Variants in ANKRD28 observed in about 807,000 individuals in gnomAD.
The protein encoded by ANKRD28 is serine/threonine-protein phosphatase 6 regulatory ankyrin repeat subunit A.
A neutral mutation model predicts 126.5 loss-of-function variants in ANKRD28; 44 were observed. That is an observed-to-expected ratio of 0.35 (90% CI 0.27 to 0.45). ANKRD28 has a LOEUF of 0.45. Among genes scored for constraint, ANKRD28 ranks in the 20% least tolerant of loss-of-function variants. ANKRD28 has a pLI of 1.00. For missense variants in ANKRD28, 1,110 were observed against 1,316.6 expected (o/e 0.84, Z 2.43); for synonymous variants, 442 against 468.5 (o/e 0.94, Z 0.73).
chr3:15,739,077 T>G (rs1043325389), intron 4 of ANKRD28, among the ~76,000 whole-genome samples: 1 of 152,190 alleles, frequency 6.6e-6, no homozygotes, highest in Non-Finnish European at 1.5e-5. Context: ...TAAACATCGC[T>G]GTTATCCTGT....
At chr3:15,717,805 T>C (rs560514249) in intron 8 of ANKRD28, among the ~76,000 whole-genome samples, 3 of 152,324 alleles carry the variant, frequency 2.0e-5, no homozygotes, top group South Asian at 4.1e-4. Flanking sequence ...TACTGCTTTA[T>C]AAACCTGATT....
In ANKRD28 at chr3:15,684,156, G is replaced by T. The variant is rs572011531; in HGVS notation, c.2389+1070C>A. The T allele has an allele frequency of 3.3e-5, 5 of 152,158 alleles. No individual in the cohort carries two copies. The East Asian group carries it at 7.7e-4, about 23-fold the overall frequency. 9.4% of individuals were successfully genotyped at this position (152,158 alleles called of 1,614,324 possible). A position where few individuals can be genotyped will look rare whatever the true frequency, so the allele number is the denominator to read the frequency against. On this transcript the variant is annotated intron_variant, in intron 21 of 27. Coordinates refer to ENST00000683139, the MANE Select transcript of ANKRD28 (RefSeq NM_001349278.2). ...CACTGATGCTTGCACTGTATATAAT[G>T]TACTTGAGTTTTCTAAGATGATCAA... is the stretch of plus-strand genomic sequence containing the variant.
chr3:15,773,497 C>T (rs371716682), intron 2 of ANKRD28, among the ~76,000 whole-genome samples: 11 of 152,066 alleles, frequency 7.2e-5, no homozygotes, highest in East Asian at 5.8e-4. Flanking sequence ...TGGTGGTGTG[C>T]GCCTGTAATC....
At chr3:15,776,876 T>C (rs141684929) in intron 2 of ANKRD28, among the ~76,000 whole-genome samples, 2 of 152,236 alleles carry the variant, frequency 1.3e-5, no homozygotes, top group East Asian at 1.9e-4. Flanking sequence ...TATCAAAGAA[T>C]TGACAGAAAA....
At chr3:15,770,146 T>C (rs1190169715) in intron 2 of ANKRD28, among the ~76,000 whole-genome samples, 1 of 152,096 alleles carries the variant, frequency 6.6e-6, no homozygotes, top group Admixed American at 6.5e-5. Context: ...CCATATTGAC[T>C]TTGGGTATGA....
At chr3:15,821,500 A>G (rs2060940901) in intron 1 of ANKRD28, among the ~76,000 whole-genome samples, 1 of 152,202 alleles carries the variant, frequency 6.6e-6, no homozygotes, top group Admixed American at 6.5e-5. Flanking sequence ...AGCTCACTCA[A>G]AAAAGTGGGA....
chr3:15,729,161 G>C (rs2074398906), intron 6 of ANKRD28, among the ~76,000 whole-genome samples: 1 of 152,216 alleles, frequency 6.6e-6, no homozygotes, highest in African/African-American at 2.4e-5. Flanking sequence ...AGAAAGGCCA[G>C]GAAGGGGGCC....
rs1261309179 is a variant in ANKRD28 at position 15,838,622 on chromosome 3, C to G, written c.27+20755G>C. On this transcript the variant is annotated intron_variant, in intron 1 of 27. Coordinates refer to the ANKRD28 transcript ENST00000399451. This position sits in a 1 kb window ranked among gnomAD's most constrained non-coding sequence, Gnocchi z 4.0. ...ACTTAGTCGGGCATGGTGGCACATG[C>G]CTGTAATCCCAGCTACTTGGGAGGC... 1.3e-5 allele frequency among the ~76,000 whole-genome samples: 2 copies of G among 152,028 alleles called. No individual in the cohort carries two copies. Among genetic ancestry groups the G allele is most frequent in the East Asian group, 3.9e-4 (2 of 5,180 alleles).
At chr3:15,751,129 G>A (rs772459877) in intron 4 of ANKRD28, among the ~76,000 whole-genome samples, 22 of 151,842 alleles carry the variant, frequency 1.4e-4, no homozygotes, top group Non-Finnish European at 2.5e-4. Flanking sequence ...TCCTCAAGAC[G>A]TCTATCCTAC....
At chr3:15,743,545 A>AACACACACACACACACACACAC (rs4036221) in intron 4 of ANKRD28, among the ~76,000 whole-genome samples, 3 of 140,484 alleles carry the variant, frequency 2.1e-5, no homozygotes, top group Non-Finnish European at 3.1e-5. Flanking sequence ...GTGGCTTTTT[A>AACACACACACACACACACACAC]ACACACACAC....
rs765061106 is a variant in ANKRD28, at chr3:15,735,364, T to C, written c.640+46A>G. 7.7e-6 allele frequency: 11 copies of C among 1,430,824 alleles called. No homozygotes were observed. In the African/African-American group the frequency reaches 1.1e-4, roughly 15 times the overall value. The allele number at this position is 1,430,824 out of a possible 1,614,324, so 88.6% of individuals were successfully genotyped here. On this transcript the variant is annotated intron_variant, in intron 6 of 27. Transcript: ENST00000683139. ...ACAGCAAGAACTTGAAATGTACAAC[T>C]TTTCTAAATATATAATATCAAAAAC...
chr3:15,749,726 G>A (rs1442142370), intron 4 of ANKRD28, among the ~76,000 whole-genome samples: 1 of 152,202 alleles, frequency 6.6e-6, no homozygotes, highest in Non-Finnish European at 1.5e-5. Flanking sequence ...CCCTAGGAAT[G>A]GGTATTCCTG....
rs2074273620 is a variant in ANKRD28, at chr3:15,727,595, G to GC, written c.641-3072_641-3071insG. The stretch of plus-strand genomic sequence containing the variant: ...AAAAAAAAAAAAAAAAAAAAAGAAA[G>GC]AAAGAAAGAACATTTCTGATTCATG... On this transcript the variant is annotated intron_variant, in intron 6 of 27. Coordinates refer to ENST00000683139, the MANE Select transcript of ANKRD28 (RefSeq NM_001349278.2). Among the ~76,000 whole-genome samples the GC allele has an allele frequency of 2.5e-5, 3 of 121,334 alleles. 1 individual carries two copies. The highest frequency in any genetic ancestry group is 1.0e-4 in the African/African-American group (3 of 28,900). 79.6% of individuals were successfully genotyped at this position (121,334 alleles called of 152,430 possible).
intron 3 of ANKRD28, among the ~76,000 whole-genome samples, chr3:15,761,904 G>T (rs2058474235): frequency 1.3e-5 from 2 of 151,962 alleles, no homozygotes; most frequent in Non-Finnish European, 2.9e-5. Context: ...ATCTCTCCTG[G>T]GCTGGGCATG....
chr3:15,851,447 G>A (rs1242732007), intron 1 of ANKRD28, among the ~76,000 whole-genome samples: 2 of 152,084 alleles, frequency 1.3e-5, no homozygotes, highest in East Asian at 3.9e-4. Context: ...GGGGGGCTGA[G>A]GCAGGAGGAT....
intron 1 of ANKRD28, among the ~76,000 whole-genome samples, chr3:15,842,029 G>A (rs1305899611): frequency 6.7e-6 from 1 of 148,596 alleles, no homozygotes; most frequent in Non-Finnish European, 1.5e-5. Context: ...TATATATTGT[G>A]TATAATTTTT....
At chr3:15,712,903 C>T (rs555523228) in intron 10 of ANKRD28, among the ~76,000 whole-genome samples, 2 of 152,050 alleles carry the variant, frequency 1.3e-5, no homozygotes, top group South Asian at 2.1e-4. Context: ...CATACCATTA[C>T]AGAAAGTAAA....
At chr3:15,774,301 T>A (rs1019755131) in intron 2 of ANKRD28, among the ~76,000 whole-genome samples, 1 of 152,038 alleles carries the variant, frequency 6.6e-6, no homozygotes, top group African/African-American at 2.4e-5. Flanking sequence ...GAGAAAGACA[T>A]AGTTAAGAGG....
rs1373374620 is a variant in ANKRD28, at chr3:15,685,370, C to T, written c.2245G>A (p.Gly749Ser). 1.2e-6 allele frequency: 2 copies of T among 1,613,992 alleles called. No homozygotes were observed. Among genetic ancestry groups the T allele is most frequent in the East Asian group, 2.2e-5 (1 of 44,890 alleles). Residue 749 changes from glycine to serine, a missense_variant, in exon 21 of 28, where the codon GGC (glycine) becomes AGC (serine). By Grantham distance (56) the Gly-to-Ser change is moderately conservative (BLOSUM62 0). Transcript: ENST00000683139. ...GCAGACAGGTGTATAGGCGTCCGGC[C>T]CCTGCTATCCCGAAGTAAGCACTTA... is the stretch of plus-strand genomic sequence containing the variant. Reference protein sequence around the residue: ...GAKCLLRDSRGRTPIHLSAAC... With the variant: ...GAKCLLRDSRSRTPIHLSAAC...
Sources: gnomAD v4.1 joint callset for allele counts (sites outside exome capture counted in the v4.1 genomes callset) on GRCh38, gnomAD v4.1.1 for gene constraint, Gnocchi (gnomAD v3.1) non-coding constraint, MANE v1.5 for transcripts, NCBI Gene and HGNC (gene_info 2026-07-23, HGNC 2026-07-21) for gene names.